The following USP33 variants were observed in gnomAD, a reference collection of about 807,000 sequenced individuals.
The protein encoded by USP33 is ubiquitin carboxyl-terminal hydrolase 33.
Under a neutral mutation model 124.2 loss-of-function variants are expected in USP33, and 46 were observed. The observed-to-expected ratio is 0.37, with a 90% CI of 0.29 to 0.47. USP33 has a LOEUF of 0.47. Among genes scored for constraint, USP33 ranks in the 20% least tolerant of loss-of-function variants. The probability of loss-of-function intolerance (pLI) is 0.99; values close to 1 mark genes in which losing one functional copy is unlikely to be tolerated. For synonymous variants in USP33, 350 were observed against 352.3 expected, an observed-to-expected ratio of 0.99 and a Z score of 0.07; for missense variants, 851 against 1,070.6, an observed-to-expected ratio of 0.79 and a Z score of 2.86.
rs1033920963 is a variant in USP33 at position 77,728,155 on chromosome 1, T to C, written c.1135+140A>G. Reference sequence around the variant, plus strand: ...AAATTCCTTTTATCCTCGGGTTCTATAATTTTATGACTAATACTCACATGC... The same window carrying C: ...AAATTCCTTTTATCCTCGGGTTCTACAATTTTATGACTAATACTCACATGC... On this transcript the variant is annotated intron_variant, in intron 10 of 23. Coordinates refer to ENST00000370794, the MANE Select transcript of USP33 (RefSeq NM_201624.3). 93 of 896,734 alleles carry C rather than the reference T, an allele frequency of 1.0e-4. No individual in the cohort carries two copies. The Admixed American group carries it at 1.1e-3, about 10-fold the overall frequency. 55.5% of individuals were successfully genotyped at this position (896,734 alleles called of 1,614,324 possible).
chr1:77,759,460 G>A, intron 1 of USP33, 183 bp downstream of exon 1: 1 of 396,016 alleles, frequency 2.5e-6, no homozygotes, highest in Non-Finnish European at 4.4e-6. Context: ...TCTCTGCAAC[G>A]CAGAGCACCG....
intron 10 of USP33, among the ~76,000 whole-genome samples, chr1:77,727,675 G>A (rs1677318425): frequency 6.6e-6 from 1 of 152,170 alleles, no homozygotes. Flanking sequence ...CTTATTTTAA[G>A]ATCACATAAT....
At chr1:77,721,624 C>T in intron 14 of USP33, 1 of 542,110 alleles carries the variant, frequency 1.8e-6, no homozygotes. Context: ...TTGTCTTATA[C>T]TACAGGAATT....
chr1:77,721,976 A>G (rs763855419), intron 13 of USP33, 48 bp downstream of exon 13: 1 of 1,604,572 alleles, frequency 6.2e-7, no homozygotes, highest in South Asian at 1.1e-5. Flanking sequence ...AGTACAGCAG[A>G]AACAGCAGGT....
Position 77,741,634 on chromosome 1 carries a change from A to C in USP33, c.64T>G (p.Leu22Val). 6.3e-7 allele frequency: 1 copy of C among 1,589,586 alleles called. No individual in the cohort carries two copies. Among genetic ancestry groups the C allele is most frequent in the Non-Finnish European group, 8.5e-7 (1 of 1,172,058 alleles). ...TTTCTTACAAGGGATTTTTGTATCA[A>C]ATCTTCTTTTGTTATTTCACCAACT... The part of the protein sequence containing the change: ...DSVGEITKED[L>V]IQKSLGTCQD... The change falls in exon 2 of 24, where the codon TTG becomes GTG. Residue 22 changes from leucine to valine, a missense_variant. Leu to Val is a conservative substitution (Grantham distance 32). Coordinates refer to ENST00000370794, the MANE Select transcript of USP33 (RefSeq NM_201624.3).
chr1:77,755,423 T>C (rs562802768), intron 1 of USP33, among the ~76,000 whole-genome samples: 1 of 152,314 alleles, frequency 6.6e-6, no homozygotes, highest in South Asian at 2.1e-4. Flanking sequence ...CAGCCAGACA[T>C]GGCAGCTCAT....
chr1:77,706,660 T>C (rs1674665529), intron 21 of USP33, among the ~76,000 whole-genome samples: 1 of 152,234 alleles, frequency 6.6e-6, no homozygotes, highest in Non-Finnish European at 1.5e-5. Flanking sequence ...TACCATGCGC[T>C]ATCATGCAAA....
In USP33 at chr1:77,759,765, G is replaced by C. The variant is rs1213925882; in HGVS notation, c.-174C>G. The C allele has an allele frequency of 5.0e-6, 2 of 397,758 alleles. No individual in the cohort carries two copies. The highest frequency in any genetic ancestry group is 4.4e-6 in the Non-Finnish European group (1 of 225,554). The allele number at this position is 397,758 out of a possible 1,614,324, so 24.6% of individuals were successfully genotyped here. ...GGGCAGTGTCGCGTCAGGAGGGCCG[G>C]AAAACGGCCCCGCAGCGCTGCCCTC... On this transcript the variant is annotated 5_prime_UTR_variant, in exon 1 of 24. Coordinates refer to ENST00000370794, the MANE Select transcript of USP33 (RefSeq NM_201624.3).
chr1:77,705,114 G>A (rs1397034137), intron 21 of USP33, among the ~76,000 whole-genome samples: 1 of 98,472 alleles, frequency 1.0e-5, no homozygotes, highest in African/African-American at 5.6e-5. Flanking sequence ...CAAATGCTTT[G>A]TTTAAAAAAA....
At chr1:77,735,114 C>T (rs960484800) in intron 6 of USP33, among the ~76,000 whole-genome samples, 5 of 137,750 alleles carry the variant, frequency 3.6e-5, no homozygotes, top group African/African-American at 1.5e-4. Context: ...CAGAGCGAGA[C>T]TCCATCTCAA....
chr1:77,725,677 T>A lies in USP33; in HGVS notation c.1221A>T (p.Ala407=). 1.2e-6 allele frequency: 2 copies of A among 1,614,204 alleles called. No individual in the cohort carries two copies. The highest frequency in any genetic ancestry group is 1.7e-6 in the Non-Finnish European group (2 of 1,180,034). ...ACAAATTGCCTGATTTAGGAGGGCT[T>A]GCCGATAAACGTGGATTAACACCTT... ...SNEGVNPRLS[A]SPPKSGNLWP... The change falls in exon 11 of 24, where the codon GCA becomes GCT. Residue 407 remains alanine, a synonymous_variant. Coordinates refer to ENST00000370794, the MANE Select transcript of USP33 (RefSeq NM_201624.3).
At chr1:77,727,040 G>A (rs1677248618) in intron 10 of USP33, among the ~76,000 whole-genome samples, 1 of 152,172 alleles carries the variant, frequency 6.6e-6, no homozygotes, top group Non-Finnish European at 1.5e-5. Flanking sequence ...TTTTCACACA[G>A]GCATTTCTCA....
chr1:77,750,624 AAAAG>A (rs532432531), intron 1 of USP33, among the ~76,000 whole-genome samples: 35,059 of 122,886 alleles, frequency 0.29, 5,232 homozygotes, highest in Admixed American at 0.32. Context: ...CCTGACTTAA[AAAAG>A]AAAGAAAGAA....
chr1:77,746,050 A>G (rs952006557), intron 1 of USP33, among the ~76,000 whole-genome samples: 2 of 152,328 alleles, frequency 1.3e-5, no homozygotes, highest in Middle Eastern at 3.4e-3. Context: ...ACTGAAGGAA[A>G]TAGAGACACA....
At chr1:77,751,996 T>C (rs984960386) in intron 1 of USP33, among the ~76,000 whole-genome samples, 4 of 150,678 alleles carry the variant, frequency 2.7e-5, no homozygotes, top group African/African-American at 9.7e-5. Context: ...CCCGAAGATA[T>C]TACTTTTAAG....
At chr1:77,723,793 T>G (rs1676849780) in intron 11 of USP33, among the ~76,000 whole-genome samples, 2 of 152,038 alleles carry the variant, frequency 1.3e-5, no homozygotes, top group South Asian at 4.2e-4. Context: ...GCCTCCCAAG[T>G]AGCTGGGACT....
chr1:77,701,658 T>C (rs1297448420), intron 21 of USP33, 187 bp from the exon 22 acceptor site: 1 of 465,130 alleles, frequency 2.1e-6, no homozygotes. Flanking sequence ...AAAAAAAACA[T>C]TATTTTTTAT....
Position 77,754,990 on chromosome 1 carries a change from C to T in USP33, c.-52+4653G>A, listed in dbSNP as rs1680668887. ...ATGGCAAAATATGGTCAATTCTAGCCTTATCTCGTTGAAATAATTTTGAGA... is the reference window on the plus strand; with the variant it reads ...ATGGCAAAATATGGTCAATTCTAGCTTTATCTCGTTGAAATAATTTTGAGA... On this transcript the variant is annotated intron_variant, in intron 1 of 23. Coordinates refer to ENST00000370794, the MANE Select transcript of USP33 (RefSeq NM_201624.3). 2.0e-5 allele frequency among the ~76,000 whole-genome samples: 3 copies of T among 152,040 alleles called. No individual in the cohort carries two copies. The South Asian group carries it at 6.2e-4, about 32-fold the overall frequency.
intron 7 of USP33, 104 bp from the exon 8 acceptor site, chr1:77,730,835 TTC>T: frequency 1.4e-6 from 1 of 695,874 alleles, no homozygotes; most frequent in Non-Finnish European, 2.2e-6. Flanking sequence ...TAGCCGTTAT[TTC>T]TTTCTTTGAT....
Sources: gnomAD v4.1 joint callset for allele counts (sites outside exome capture counted in the v4.1 genomes callset) on GRCh38, gnomAD v4.1.1 for gene constraint, MANE v1.5 for transcripts, NCBI Gene and HGNC (gene_info 2026-07-23, HGNC 2026-07-21) for gene names.